Variants in CFAP299 observed in about 807,000 individuals in gnomAD.
CFAP299 encodes the protein cilia and flagella associated protein 299.
CFAP299 carries 21 observed loss-of-function variants against 27.0 expected under a neutral mutation model. That is an observed-to-expected ratio of 0.78 (90% CI 0.55 to 1.12). The LOEUF is 1.12. Ranked by LOEUF, CFAP299 falls within the 50% of genes most tolerant of loss-of-function variation. CFAP299 has a pLI of 0.00. For synonymous variants in CFAP299, 104 were observed against 98.1 expected, an observed-to-expected ratio of 1.06 and a Z score of -0.36; for missense variants, 310 against 276.6, an observed-to-expected ratio of 1.12 and a Z score of -0.86.
intron 3 of CFAP299, among the ~76,000 whole-genome samples, chr4:80,843,264 T>C (rs1411275245): frequency 6.6e-6 from 1 of 152,042 alleles, no homozygotes; most frequent in Non-Finnish European, 1.5e-5. Context: ...CAGTGTGTGA[T>C]GTTCCTCTTC....
intron 3 of CFAP299, among the ~76,000 whole-genome samples, chr4:80,718,426 C>T (rs1233193715): frequency 1.3e-5 from 2 of 151,950 alleles, no homozygotes; most frequent in African/African-American, 4.8e-5. Context: ...TTATTTTCAT[C>T]AATGCAAACA....
chr4:80,592,192 A>G (rs1384850654), intron 3 of CFAP299, among the ~76,000 whole-genome samples: 2 of 152,210 alleles, frequency 1.3e-5, no homozygotes, highest in African/African-American at 2.4e-5. Context: ...GATTGCAGTG[A>G]TGTACATAAG....
intron 3 of CFAP299, among the ~76,000 whole-genome samples, chr4:80,631,858 T>TG (rs1352411656): frequency 3.7e-5 from 1 of 26,922 alleles, no homozygotes; most frequent in African/African-American, 1.1e-4. Flanking sequence ...TGAATATTTG[T>TG]GCCCCACCCC....
intron 3 of CFAP299, among the ~76,000 whole-genome samples, chr4:80,804,223 C>G (rs1208831462): frequency 1.3e-5 from 2 of 152,138 alleles, no homozygotes; most frequent in African/African-American, 4.8e-5. Context: ...CACCATCCAT[C>G]TACGTAACTC....
chr4:80,413,750 C>CTTTTTTTTTTTTTTTTTTTTTTTTTTTT, intron 2 of CFAP299, among the ~76,000 whole-genome samples: 1 of 108,308 alleles, frequency 9.2e-6, no homozygotes, highest in Non-Finnish European at 1.8e-5. Flanking sequence ...TTGTGTCATT[C>CTTTTTTTTTTTTTTTTTTTTTTTTTTTT]TTTTTTTTTT....
chr4:80,911,441 C>T (rs80270033), intron 4 of CFAP299, among the ~76,000 whole-genome samples: 5,359 of 152,100 alleles, frequency 0.035, 217 homozygotes, highest in African/African-American at 0.1. Flanking sequence ...GCATCAAAAT[C>T]TTTTCTGCCT....
intron 4 of CFAP299, among the ~76,000 whole-genome samples, chr4:80,930,862 C>T (rs1053000067): frequency 1.3e-5 from 2 of 152,082 alleles, no homozygotes; most frequent in Non-Finnish European, 2.9e-5. Flanking sequence ...GGACTAAGTC[C>T]TGTTGCTGAT....
intron 2 of CFAP299, among the ~76,000 whole-genome samples, chr4:80,521,927 A>G (rs1732933465): frequency 6.6e-6 from 1 of 152,076 alleles, no homozygotes; most frequent in African/African-American, 2.4e-5. Context: ...TGATACAAAC[A>G]TGAGGGTGCA....
chr4:80,584,671 C>T (rs746867202), intron 3 of CFAP299, among the ~76,000 whole-genome samples: 8 of 152,160 alleles, frequency 5.3e-5, no homozygotes, highest in Non-Finnish European at 1.0e-4. Flanking sequence ...TGTATCTCTT[C>T]TACTATACAC....
chr4:80,626,033 T>G (rs1738878274), intron 3 of CFAP299, among the ~76,000 whole-genome samples: 1 of 151,908 alleles, frequency 6.6e-6, no homozygotes, highest in Non-Finnish European at 1.5e-5. Flanking sequence ...CTAGATCAAG[T>G]GGACATAACA....
chr4:80,906,691 T>A (rs1481949885), intron 4 of CFAP299, among the ~76,000 whole-genome samples: 4 of 152,208 alleles, frequency 2.6e-5, no homozygotes, highest in Admixed American at 6.5e-5. Context: ...GCTTGCACCT[T>A]CTTTGGCAAT....
intron 3 of CFAP299, among the ~76,000 whole-genome samples, chr4:80,711,632 G>T (rs763706748): frequency 1.3e-5 from 2 of 152,144 alleles, no homozygotes; most frequent in Non-Finnish European, 2.9e-5. Context: ...CATAGCTTGT[G>T]AGTAGCAGGG....
chr4:80,878,259 C>A (rs148318323), intron 4 of CFAP299, among the ~76,000 whole-genome samples: 6 of 152,178 alleles, frequency 3.9e-5, no homozygotes, highest in South Asian at 2.1e-4. Flanking sequence ...AAACACAGGA[C>A]CCTTGTCTTT....
chr4:80,820,215 CCTT>C (rs1405115479), intron 3 of CFAP299, among the ~76,000 whole-genome samples: 4 of 152,078 alleles, frequency 2.6e-5, no homozygotes, highest in Non-Finnish European at 5.9e-5. Flanking sequence ...TCACATATCT[CCTT>C]CTAATTAGAT....
At chr4:80,589,440 C>T (rs888074479) in intron 3 of CFAP299, among the ~76,000 whole-genome samples, 3 of 152,024 alleles carry the variant, frequency 2.0e-5, no homozygotes, top group Non-Finnish European at 4.4e-5. Context: ...TAACAAAATG[C>T]TAAAATCACA....
In CFAP299 at chr4:80,963,711, A is replaced by G; in HGVS notation, c.*99A>G. ...AAATGAGCCCTGTAGCTGGAAGGCA[A>G]ATTAGAACAATAAAGTTAATAAAGA... On this transcript the variant is annotated 3_prime_UTR_variant, in exon 6 of 6. Transcript: ENST00000358105. 1.5e-6 allele frequency: 1 copy of G among 683,682 alleles called. No homozygotes were observed. The highest frequency in any genetic ancestry group is 2.1e-5 in the South Asian group (1 of 47,608). 42.4% of individuals were successfully genotyped at this position (683,682 alleles called of 1,614,324 possible).
At chr4:80,769,708 A>C (rs1402709117) in intron 3 of CFAP299, among the ~76,000 whole-genome samples, 1 of 152,146 alleles carries the variant, frequency 6.6e-6, no homozygotes. Context: ...CCCATGTATT[A>C]TCTCACAGTT....
At chr4:80,495,213 GAGA>G (rs1241795459) in intron 2 of CFAP299, among the ~76,000 whole-genome samples, 1 of 152,268 alleles carries the variant, frequency 6.6e-6, no homozygotes, top group African/African-American at 2.4e-5. Flanking sequence ...CAAGAAGAAA[GAGA>G]AGGAGAAAAA....
chr4:80,373,300 A>T (rs1265216069), intron 2 of CFAP299, among the ~76,000 whole-genome samples: 1 of 151,988 alleles, frequency 6.6e-6, no homozygotes, highest in Admixed American at 6.5e-5. Context: ...TGCAGATTGA[A>T]TGCAGATTCA....
Sources: allele counts gnomAD v4.1 joint callset (sites outside exome capture counted in the v4.1 genomes callset), GRCh38; gene constraint gnomAD v4.1.1; transcripts MANE v1.5; gene names NCBI Gene and HGNC (gene_info 2026-07-23, HGNC 2026-07-21).